Variants in TPD52L1 observed in about 807,000 individuals in gnomAD.
TPD52L1 encodes TPD52 like 1, also known as tumor protein D53.
In TPD52L1, 18 loss-of-function variants were observed where a neutral mutation model predicts 28.7. The ratio of observed to expected loss-of-function variants is 0.63; its 90% CI spans 0.43 to 0.93. The LOEUF (loss-of-function observed/expected upper bound fraction) is 0.93. Among genes scored for constraint, TPD52L1 ranks in the 40% least tolerant of loss-of-function variants. The pLI is 0.00. For missense variants in TPD52L1, 203 were observed against 254.8 expected (o/e 0.80, Z 1.39); for synonymous variants, 75 against 88.8 (o/e 0.84, Z 0.88).
chr6:125,223,887 T>C (rs1795422362), intron 2 of TPD52L1, among the ~76,000 whole-genome samples: 1 of 152,134 alleles, frequency 6.6e-6, no homozygotes, highest in Admixed American at 6.5e-5. Context: ...TATAATTAGC[T>C]TGAGTTATTT....
Position 125,248,372 on chromosome 6 carries a change from C to G in TPD52L1, c.375C>G (p.Phe125Leu). 1 of 1,613,982 alleles carries G rather than the reference C, an allele frequency of 6.2e-7. No homozygotes were observed. Among genetic ancestry groups the G allele is most frequent in the Non-Finnish European group, 8.5e-7 (1 of 1,179,896 alleles). The change falls in exon 4 of 7, where the codon TTC (phenylalanine) becomes TTG (leucine). Residue 125 changes from phenylalanine to leucine, a missense_variant. Coordinates refer to ENST00000534000, the MANE Select transcript of TPD52L1 (RefSeq NM_003287.4). ...TTGGAACGGCCATCAGCAAGAAGTT[C>G]GGAGACATGAGGTACTGTGGGAAAA... ...SNVGTAISKKFGDMSYSIRHS... is the reference protein window; with the variant it reads ...SNVGTAISKKLGDMSYSIRHS...
At chr6:125,223,661 A>T (rs561327113) in intron 2 of TPD52L1, among the ~76,000 whole-genome samples, 143 of 145,228 alleles carry the variant, frequency 9.8e-4, no homozygotes, top group African/African-American at 3.5e-3. Context: ...GTGAGCCAAG[A>T]TCATGCCACT....
At chr6:125,217,676 T>G (rs756630223) in intron 1 of TPD52L1, among the ~76,000 whole-genome samples, 3 of 152,038 alleles carry the variant, frequency 2.0e-5, no homozygotes, top group Admixed American at 2.0e-4. Context: ...GGCGCGGGAG[T>G]TGGGGACCTC....
At chr6:125,207,683 A>C (rs1278876270) in intron 1 of TPD52L1, among the ~76,000 whole-genome samples, 1 of 152,234 alleles carries the variant, frequency 6.6e-6, no homozygotes, top group Non-Finnish European at 1.5e-5. Context: ...TTGCTTGTGC[A>C]GTATCCACCT....
At chr6:125,212,934 C>T (rs1313480546) in intron 1 of TPD52L1, among the ~76,000 whole-genome samples, 21 of 152,102 alleles carry the variant, frequency 1.4e-4, no homozygotes, top group Non-Finnish European at 1.5e-5. Flanking sequence ...CCTCACCTGG[C>T]CAACGGAGAA....
At chr6:125,220,036 C>A in intron 1 of TPD52L1, 42 bp from the exon 2 acceptor site, 3 of 1,435,310 alleles carry the variant, frequency 2.1e-6, no homozygotes, top group South Asian at 1.1e-5. Flanking sequence ...GGTTTAAATT[C>A]ACTTTAAAAA....
chr6:125,202,393 T>C lies in TPD52L1; in HGVS notation c.20-17685T>C, dbSNP rs2114902200. 1.3e-5 allele frequency among the ~76,000 whole-genome samples: 2 copies of C among 152,270 alleles called. 1 individual carries two copies. The highest frequency in any genetic ancestry group is 3.9e-4 in the East Asian group (2 of 5,180). On this transcript the variant is annotated intron_variant, in intron 1 of 6. Coordinates refer to ENST00000534000, the MANE Select transcript of TPD52L1 (RefSeq NM_003287.4). ...CTAAGATGGAATGTATCCTGTCCAG[T>C]GAAGCTCAAGGCATGCACAGGTCGT... is the stretch of plus-strand genomic sequence containing the variant.
chr6:125,217,792 T>C (rs1013799159), intron 1 of TPD52L1, among the ~76,000 whole-genome samples: 1 of 152,246 alleles, frequency 6.6e-6, no homozygotes, highest in Non-Finnish European at 1.5e-5. Flanking sequence ...ATTTAATTCC[T>C]AAGTGATATT....
intron 5 of TPD52L1, among the ~76,000 whole-genome samples, chr6:125,255,232 T>C (rs1404557323): frequency 6.6e-6 from 1 of 152,162 alleles, no homozygotes; most frequent in Non-Finnish European, 1.5e-5. Flanking sequence ...TGCCTGAAAC[T>C]AACTTAAAAA....
intron 1 of TPD52L1, among the ~76,000 whole-genome samples, chr6:125,207,241 T>G (rs1353226889): frequency 2.6e-5 from 4 of 152,170 alleles, no homozygotes; most frequent in Non-Finnish European, 4.4e-5. Flanking sequence ...ATTGGGAGAT[T>G]TCAGTTCCTG....
At chr6:125,186,905 G>A (rs1257838462) in intron 1 of TPD52L1, among the ~76,000 whole-genome samples, 1 of 151,986 alleles carries the variant, frequency 6.6e-6, no homozygotes, top group African/African-American at 2.4e-5. Context: ...GTAGTAATTG[G>A]GGTGACTGTT....
rs1443526068 is a variant in TPD52L1, at chr6:125,258,987, T to G, written c.486+1829T>G. Among the ~76,000 whole-genome samples the G allele has an allele frequency of 2.0e-5, 3 of 152,234 alleles. No homozygotes were observed. In the East Asian group the frequency reaches 5.8e-4, roughly 29 times the overall value. On this transcript the variant is annotated intron_variant, in intron 6 of 6. Coordinates refer to ENST00000534000, the MANE Select transcript of TPD52L1 (RefSeq NM_003287.4). Reference sequence around the variant, plus strand: ...CTCCCACTTCCTAAATAATTACAAATTTCTCTGTCCTTTTTTTTCCCACTA... The same window carrying G: ...CTCCCACTTCCTAAATAATTACAAAGTTCTCTGTCCTTTTTTTTCCCACTA...
At chr6:125,240,308 CT>C (rs1211181334) in intron 3 of TPD52L1, among the ~76,000 whole-genome samples, 1 of 151,874 alleles carries the variant, frequency 6.6e-6, no homozygotes, top group South Asian at 2.1e-4. Context: ...GCTATGTGGG[CT>C]TTTTTGGGGG....
chr6:125,166,990 C>T (rs1790953396), intron 1 of TPD52L1, among the ~76,000 whole-genome samples: 2 of 152,114 alleles, frequency 1.3e-5, no homozygotes, highest in Non-Finnish European at 2.9e-5. Flanking sequence ...GGTAGGGTGG[C>T]TCATGCCTGT....
intron 6 of TPD52L1, chr6:125,261,002 GA>G (rs1414360061): frequency 2.3e-5 from 1 of 43,302 alleles, no homozygotes; most frequent in South Asian, 1.1e-3. Flanking sequence ...AAGAAAGAAA[GA>G]AAGAAAGAAA....
intron 1 of TPD52L1, among the ~76,000 whole-genome samples, chr6:125,202,341 A>G (rs1185549642): frequency 6.6e-6 from 1 of 152,200 alleles, no homozygotes; most frequent in African/African-American, 2.4e-5. Flanking sequence ...AGCACTTTAT[A>G]AGATCAGTGA....
At chr6:125,226,402 G>T (rs144367788) in intron 2 of TPD52L1, among the ~76,000 whole-genome samples, 2 of 151,574 alleles carry the variant, frequency 1.3e-5, no homozygotes, top group Non-Finnish European at 1.5e-5. Flanking sequence ...TGTTTCTATC[G>T]CTTTTGGGGG....
chr6:125,165,007 A>G (rs954171472), intron 1 of TPD52L1, among the ~76,000 whole-genome samples: 99 of 148,152 alleles, frequency 6.7e-4, no homozygotes, highest in African/African-American at 2.3e-3. Flanking sequence ...CAGCTAATCA[A>G]GGTGCTGAGG....
In TPD52L1 at chr6:125,263,075, C is replaced by A. The variant is rs1469888814; in HGVS notation, c.*113C>A. ...CCGCTGGGAAAAACCCAGGCCTTGA[C>A]ATTGTTATTCAAATGGCCCCTCCAG... On this transcript the variant is annotated 3_prime_UTR_variant, in exon 7 of 7. Coordinates refer to ENST00000534000, the MANE Select transcript of TPD52L1 (RefSeq NM_003287.4). The A allele has an allele frequency of 4.6e-6, 6 of 1,309,518 alleles. No individual in the cohort carries two copies. In the African/African-American group the frequency reaches 6.0e-5, roughly 13 times the overall value. The allele number at this position is 1,309,518 out of a possible 1,614,324, so 81.1% of individuals were successfully genotyped here.
Sources: allele counts gnomAD v4.1 joint callset (sites outside exome capture counted in the v4.1 genomes callset), GRCh38; gene constraint gnomAD v4.1.1; transcripts MANE v1.5; gene names NCBI Gene and HGNC (gene_info 2026-07-23, HGNC 2026-07-21).